ANXA2: variants seen among roughly 807,000 people sequenced by gnomAD.
ANXA2 encodes annexin A2.
In ANXA2, 28 loss-of-function variants were observed where a neutral mutation model predicts 47.3. The observed-to-expected ratio is 0.59, with a 90% CI of 0.44 to 0.81. The LOEUF is 0.81. ANXA2 is among the 40% of genes least tolerant of loss of function. The probability of loss-of-function intolerance (pLI) is 0.00; values close to 1 mark genes in which losing one functional copy is unlikely to be tolerated. For synonymous variants in ANXA2, 172 were observed against 155.5 expected (o/e 1.11, Z -0.79); for missense variants, 384 against 414.3 (o/e 0.93, Z 0.64).
Position 60,371,174 on chromosome 15 carries a change from C to A in ANXA2, c.149-6651G>T, listed in dbSNP as rs370287035. 3.7e-4 allele frequency among the ~76,000 whole-genome samples: 56 copies of A among 152,300 alleles called. 1 individual carries two copies. The South Asian group carries it at 0.011, about 29-fold the overall frequency. On this transcript the variant is annotated intron_variant, in intron 3 of 12. Transcript: ENST00000451270. ...CGTTGAACGAAAATAGCCAACTAAT[C>A]TAATTAGCTAACTACAACAATATTT...
chr15:60,385,024 T>TAG (rs2062913343), intron 2 of ANXA2, among the ~76,000 whole-genome samples: 1 of 152,212 alleles, frequency 6.6e-6, no homozygotes, highest in Non-Finnish European at 1.5e-5. Flanking sequence ...TCTAAAAGTA[T>TAG]TTGAAATAAT....
At position 60,349,187 on chromosome 15, in the gene ANXA2, G is replaced by A. The variant is rs776962395; in HGVS notation, c.848C>T (p.Thr283Met). Residue 283 changes from threonine (T) to methionine (M), a missense_variant, in exon 12 of 13, where the codon ACG (threonine) becomes ATG (methionine). Transcript: ENST00000451270. ...GATTCTGATCAGGACCTTATCTCGC[G>A]TCCCCTTGCCCTGAAAATCAAGTTG... Reference protein sequence around the residue: ...RLYDSMKGKGTRDKVLIRIMV... With the variant: ...RLYDSMKGKGMRDKVLIRIMV... 35 of 1,613,712 alleles carry A rather than the reference G, an allele frequency of 2.2e-5. No homozygotes were observed. Among genetic ancestry groups the A allele is most frequent in the African/African-American group, 4.0e-5 (3 of 74,908 alleles).
In ANXA2 at chr15:60,347,422, C is replaced by G; in HGVS notation, c.*208G>C. ...CACATCATAGACTTCACTTCCAACT[C>G]CTTGGAATGTTCATTTCTTTGGCTT... On this transcript the variant is annotated 3_prime_UTR_variant, in exon 13 of 13. Coordinates refer to ENST00000451270, the MANE Select transcript of ANXA2 (RefSeq NM_004039.3). 3.3e-6 allele frequency: 2 copies of G among 602,704 alleles called. No homozygotes were observed. Among genetic ancestry groups the G allele is most frequent in the East Asian group, 5.5e-5 (2 of 36,344 alleles). The allele number at this position is 602,704 out of a possible 1,614,324, so 37.3% of individuals were successfully genotyped here.
chr15:60,378,344 C>G (rs902837188), intron 3 of ANXA2, among the ~76,000 whole-genome samples: 9 of 152,150 alleles, frequency 5.9e-5, no homozygotes, highest in Non-Finnish European at 1.2e-4. Context: ...AAATTATTGA[C>G]AAACTTTATT....
chr15:60,364,371 T>G, intron 4 of ANXA2, 58 bp downstream of exon 4: 1 of 1,372,410 alleles, frequency 7.3e-7, no homozygotes. Flanking sequence ...GAAAAAGCAA[T>G]GTCTGAGGAA....
intron 2 of ANXA2, chr15:60,385,683 G>A: frequency 4.9e-6 from 1 of 202,052 alleles, no homozygotes; most frequent in Non-Finnish European, 1.0e-5. Context: ...TGTGGCTTAT[G>A]CCAACCAGTA....
At chr15:60,360,883 CT>C (rs767085859) in intron 5 of ANXA2, 57 bp downstream of exon 5, 65 of 1,093,536 alleles carry the variant, frequency 5.9e-5, no homozygotes, top group Non-Finnish European at 8.8e-5. Context: ...ACTCAGAAAG[CT>C]GTAATTCACA....
intron 8 of ANXA2, 57 bp downstream of exon 8, chr15:60,354,097 G>C: frequency 7.1e-7 from 1 of 1,407,222 alleles, no homozygotes; most frequent in Non-Finnish European, 1.0e-6. Context: ...TTACTATATA[G>C]ACTATCCAGA....
intron 3 of ANXA2, among the ~76,000 whole-genome samples, chr15:60,374,957 T>G (rs1247911457): frequency 6.6e-6 from 1 of 152,220 alleles, no homozygotes; most frequent in Non-Finnish European, 1.5e-5. Flanking sequence ...AGCTCCTCAC[T>G]TGCAGCCCTC....
intron 1 of ANXA2, among the ~76,000 whole-genome samples, chr15:60,388,456 A>G (rs1457486784): frequency 6.6e-6 from 1 of 150,592 alleles, no homozygotes; most frequent in East Asian, 2.0e-4. Flanking sequence ...CAAGTGATCC[A>G]AGCACTGAGA....
intron 1 of ANXA2, chr15:60,393,669 A>C: frequency 1.0e-6 from 1 of 985,420 alleles, no homozygotes; most frequent in Non-Finnish European, 1.2e-6. Flanking sequence ...AGGATACAGG[A>C]AATCATAAAT....
intron 3 of ANXA2, 48 bp from the exon 4 acceptor site, chr15:60,364,571 T>C (rs764277554): frequency 6.7e-7 from 1 of 1,491,872 alleles, no homozygotes; most frequent in East Asian, 2.3e-5. Context: ...CTCTAGTATT[T>C]TGGGCTTACA....
intron 1 of ANXA2, among the ~76,000 whole-genome samples, chr15:60,389,286 C>G (rs2062975899): frequency 6.6e-6 from 1 of 152,232 alleles, no homozygotes. Context: ...GTTGTTTCCA[C>G]TTAGAGAGTA....
chr15:60,397,913 T>C (rs1241367245), intron 1 of ANXA2, 30 bp downstream of exon 1: 1 of 1,337,818 alleles, frequency 7.5e-7, no homozygotes, highest in Non-Finnish European at 9.6e-7. Flanking sequence ...TGGCGGCCCA[T>C]CGCGGGCGGG....
At chr15:60,361,157 C>A in intron 4 of ANXA2, 103 bp from the exon 5 acceptor site, 1 of 790,002 alleles carries the variant, frequency 1.3e-6, no homozygotes, top group South Asian at 1.5e-5. Context: ...GGTTGTGAGT[C>A]TTTGACCACT....
chr15:60,356,619 A>G (rs568457990), intron 6 of ANXA2, among the ~76,000 whole-genome samples: 46 of 152,310 alleles, frequency 3.0e-4, no homozygotes, highest in African/African-American at 9.9e-4. Flanking sequence ...ATGTACCCCC[A>G]AAATATGTAA....
chr15:60,382,201 T>A, intron 3 of ANXA2, 141 bp downstream of exon 3: 1 of 596,456 alleles, frequency 1.7e-6, no homozygotes, highest in Non-Finnish European at 3.1e-6. Context: ...AGGCATGGGT[T>A]GAGCTAGGTC....
At chr15:60,369,808 C>A (rs938715410) in intron 3 of ANXA2, among the ~76,000 whole-genome samples, 1 of 152,214 alleles carries the variant, frequency 6.6e-6, no homozygotes, top group Non-Finnish European at 1.5e-5. Context: ...TAAAAGACTT[C>A]TATGTCACTT....
At chr15:60,362,136 C>A (rs1426970497) in intron 4 of ANXA2, among the ~76,000 whole-genome samples, 1 of 152,072 alleles carries the variant, frequency 6.6e-6, no homozygotes, top group African/African-American at 2.4e-5. Context: ...TCCCAATGTC[C>A]CGGGAACACA....
Sources: gnomAD v4.1 joint callset for allele counts (sites outside exome capture counted in the v4.1 genomes callset) on GRCh38, gnomAD v4.1.1 for gene constraint, MANE v1.5 for transcripts, NCBI Gene and HGNC (gene_info 2026-07-23, HGNC 2026-07-21) for gene names.